KLHL1: variants seen among roughly 807,000 people sequenced by gnomAD.
KLHL1 encodes the protein kelch-like protein 1.
KLHL1 carries 47 observed loss-of-function variants against 77.7 expected under a neutral mutation model. The ratio of observed to expected loss-of-function variants is 0.60; its 90% CI spans 0.48 to 0.77. The LOEUF (loss-of-function observed/expected upper bound fraction) is 0.77, where lower values mean the gene tolerates loss of function less well. KLHL1 is among the 30% of genes least tolerant of loss of function. The probability of loss-of-function intolerance (pLI) is 0.00; values close to 1 mark genes in which losing one functional copy is unlikely to be tolerated. For synonymous variants in KLHL1, 360 were observed against 325.2 expected, an observed-to-expected ratio of 1.11 and a Z score of -1.15; for missense variants, 925 against 910.8, an observed-to-expected ratio of 1.02 and a Z score of -0.20.
chr13:69,792,563 A>C (rs1361435440), intron 7 of KLHL1, among the ~76,000 whole-genome samples: 5 of 144,046 alleles, frequency 3.5e-5, no homozygotes, highest in African/African-American at 1.3e-4. Flanking sequence ...ATATACCAAA[A>C]ACAATTGAAA....
chr13:69,970,054 TTCA>T (rs769846836), intron 2 of KLHL1, among the ~76,000 whole-genome samples: 7 of 152,184 alleles, frequency 4.6e-5, no homozygotes, highest in Non-Finnish European at 1.0e-4. Context: ...TTACCTCTGA[TTCA>T]TTGACTTTTC....
intron 4 of KLHL1, among the ~76,000 whole-genome samples, chr13:69,921,826 A>G: frequency 6.6e-6 from 1 of 152,186 alleles, no homozygotes. Flanking sequence ...AGATATAAGA[A>G]CAAGGTTATA....
At chr13:69,792,122 A>C (rs2138029751) in intron 7 of KLHL1, among the ~76,000 whole-genome samples, 1 of 152,128 alleles carries the variant, frequency 6.6e-6, no homozygotes. Context: ...ACTTAAAACT[A>C]AAAAAAATTC....
chr13:70,027,664 T>TTTTTTTC (rs1411888014), intron 1 of KLHL1, among the ~76,000 whole-genome samples: 1 of 151,180 alleles, frequency 6.6e-6, no homozygotes, highest in Non-Finnish European at 1.5e-5. Context: ...TTTTTTTTTT[T>TTTTTTTC]TATGAACTGA....
intron 4 of KLHL1, among the ~76,000 whole-genome samples, chr13:69,899,100 G>A (rs997909384): frequency 1.3e-5 from 2 of 151,564 alleles, no homozygotes; most frequent in African/African-American, 4.9e-5. Flanking sequence ...ACTCAGGAAG[G>A]TTGTAAGGAG....
In KLHL1 at chr13:69,875,930, A is replaced by G. The variant is rs925805044; in HGVS notation, c.1227+6353T>C. ...TAATGATGGCCTGGTATAATCATTA[A>G]CTAATCAGACAGCCAGCAAATCAAA... On this transcript the variant is annotated intron_variant, in intron 5 of 10. Coordinates refer to ENST00000377844, the MANE Select transcript of KLHL1 (RefSeq NM_020866.3). Among the ~76,000 whole-genome samples the G allele has an allele frequency of 2.6e-5, 4 of 152,152 alleles. No individual in the cohort carries two copies. The East Asian group carries it at 7.7e-4, about 29-fold the overall frequency.
chr13:69,868,419 T>A (rs1378305751), intron 5 of KLHL1, among the ~76,000 whole-genome samples: 1 of 152,022 alleles, frequency 6.6e-6, no homozygotes, highest in Non-Finnish European at 1.5e-5. Context: ...GGACATACAT[T>A]TTTTTAGATG....
intron 1 of KLHL1, among the ~76,000 whole-genome samples, chr13:70,020,468 T>A (rs1769113489): frequency 6.6e-6 from 1 of 152,186 alleles, no homozygotes; most frequent in Admixed American, 6.6e-5. Context: ...CTTGTCGTCC[T>A]CTTTTCTCTG....
intron 7 of KLHL1, among the ~76,000 whole-genome samples, chr13:69,749,519 T>C (rs1210048917): frequency 6.6e-6 from 1 of 152,008 alleles, no homozygotes; most frequent in African/African-American, 2.4e-5. Context: ...CAGCAAAATA[T>C]TTACCAGAAT....
intron 2 of KLHL1, among the ~76,000 whole-genome samples, chr13:69,973,025 C>G (rs1884436759): frequency 6.6e-6 from 1 of 151,824 alleles, no homozygotes; most frequent in Non-Finnish European, 1.5e-5. Context: ...AAGTGATATT[C>G]CTCTTAGGAT....
chr13:70,054,980 T>C (rs998204011), intron 1 of KLHL1, among the ~76,000 whole-genome samples: 2 of 151,240 alleles, frequency 1.3e-5, no homozygotes, highest in Non-Finnish European at 2.9e-5. Context: ...AGGGAGGAGA[T>C]AGAGACATAA....
At position 69,918,860 on chromosome 13, in the gene KLHL1, T is replaced by C. The variant is rs116458840; in HGVS notation, c.1014+21180A>G. Among the ~76,000 whole-genome samples, 873 of 152,270 alleles carry C rather than the reference T, an allele frequency of 5.7e-3. 5 individuals carry two copies. The highest frequency in any genetic ancestry group is 0.02 in the African/African-American group (811 of 41,570). Reference sequence around the variant, plus strand: ...ATTACATTCTCCTCTCCATCATCTTTATAAAACACGGGTTGTGTAATTCTC... The same window carrying C: ...ATTACATTCTCCTCTCCATCATCTTCATAAAACACGGGTTGTGTAATTCTC... On this transcript the variant is annotated intron_variant, in intron 4 of 10. Coordinates refer to ENST00000377844, the MANE Select transcript of KLHL1 (RefSeq NM_020866.3).
At chr13:70,088,961 G>A (rs189167602) in intron 1 of KLHL1, among the ~76,000 whole-genome samples, 20 of 152,086 alleles carry the variant, frequency 1.3e-4, no homozygotes, top group African/African-American at 4.3e-4. Flanking sequence ...TTGAAATCAC[G>A]TATTTATTTT....
intron 8 of KLHL1, among the ~76,000 whole-genome samples, chr13:69,730,801 A>C (rs1469756096): frequency 6.6e-6 from 1 of 152,070 alleles, no homozygotes; most frequent in Non-Finnish European, 1.5e-5. Flanking sequence ...GCTGGTCTCA[A>C]ACTGCTGGAC....
intron 1 of KLHL1, among the ~76,000 whole-genome samples, chr13:70,051,313 A>T (rs1217233530): frequency 1.3e-5 from 2 of 152,032 alleles, no homozygotes; most frequent in Non-Finnish European, 2.9e-5. Flanking sequence ...TTTTCTGTGT[A>T]TTCTTTGCAC....
intron 4 of KLHL1, among the ~76,000 whole-genome samples, chr13:69,887,161 G>C (rs1881251129): frequency 6.6e-6 from 1 of 152,094 alleles, no homozygotes; most frequent in Non-Finnish European, 1.5e-5. Flanking sequence ...GCAAAGTTTT[G>C]AGAGTTTCAT....
intron 6 of KLHL1, among the ~76,000 whole-genome samples, chr13:69,806,451 T>G (rs1877621284): frequency 6.6e-6 from 1 of 151,988 alleles, no homozygotes; most frequent in African/African-American, 2.4e-5. Context: ...ATACTCACAC[T>G]GTACAGGTCA....
At chr13:69,842,992 A>T (rs932820187) in intron 5 of KLHL1, among the ~76,000 whole-genome samples, 1 of 151,744 alleles carries the variant, frequency 6.6e-6, no homozygotes, top group Non-Finnish European at 1.5e-5. Flanking sequence ...AAAATTCATT[A>T]TATGGAGGTA....
intron 7 of KLHL1, among the ~76,000 whole-genome samples, chr13:69,780,733 C>G (rs369099782): frequency 2.4e-5 from 1 of 42,080 alleles, no homozygotes; most frequent in Non-Finnish European, 4.9e-5. Flanking sequence ...TATATATATA[C>G]ATATATATAT....
Sources: allele counts gnomAD v4.1 joint callset (sites outside exome capture counted in the v4.1 genomes callset), GRCh38; gene constraint gnomAD v4.1.1; transcripts MANE v1.5; gene names NCBI Gene and HGNC (gene_info 2026-07-23, HGNC 2026-07-21).